NEBL: variants seen among roughly 807,000 people sequenced by gnomAD.
NEBL encodes the protein LIM and SH3 protein 2.
In NEBL, 122 loss-of-function variants were observed where a neutral mutation model predicts 140.2. That is an observed-to-expected ratio of 0.87 (90% confidence interval 0.75 to 1.01). The LOEUF is 1.01. NEBL is among the 50% of genes least tolerant of loss of function. The pLI is 0.00. For missense variants in NEBL, 1,365 were observed against 1,231.3 expected, an observed-to-expected ratio of 1.11 and a Z score of -1.62; for synonymous variants, 436 against 398.9, an observed-to-expected ratio of 1.09 and a Z score of -1.11.
upstream of NEBL, among the ~76,000 whole-genome samples, chr10:21,176,194 G>C (rs1385341621): frequency 6.6e-6 from 1 of 151,980 alleles, no homozygotes; most frequent in African/African-American, 2.4e-5. Context: ...GTAGAGATGG[G>C]ATCTTGCGGT....
At chr10:21,236,793 A>C (rs1015891120) in intron 3 of NEBL, among the ~76,000 whole-genome samples, 16 of 152,158 alleles carry the variant, frequency 1.1e-4, no homozygotes, top group East Asian at 9.7e-4. Context: ...CACCTACTAA[A>C]CTCCACTAAC....
At chr10:21,016,315 A>T (rs753398383) in intron 3 of NEBL, among the ~76,000 whole-genome samples, 3 of 152,194 alleles carry the variant, frequency 2.0e-5, no homozygotes, top group Non-Finnish European at 4.4e-5. Flanking sequence ...TTGTTTGTTT[A>T]TTCACAGTAT....
intron 4 of NEBL, among the ~76,000 whole-genome samples, chr10:20,905,696 A>G (rs1049006806): frequency 1.3e-5 from 2 of 152,194 alleles, no homozygotes; most frequent in Non-Finnish European, 2.9e-5. Flanking sequence ...ATGATAAGGC[A>G]TCCAAAGAGC....
At chr10:20,865,725 A>T (rs912456431) in intron 7 of NEBL, among the ~76,000 whole-genome samples, 1 of 152,008 alleles carries the variant, frequency 6.6e-6, no homozygotes, top group African/African-American at 2.4e-5. Context: ...CATGTCCCCA[A>T]CCTCTTGCAC....
intron 1 of NEBL, among the ~76,000 whole-genome samples, chr10:21,280,901 C>T (rs1047812239): frequency 8.5e-5 from 13 of 152,150 alleles, no homozygotes; most frequent in Non-Finnish European, 4.4e-5. Context: ...AGGCGTGAGC[C>T]ACCTCACCCA....
chr10:21,084,374 G>A (rs1410291443), intron 2 of NEBL, among the ~76,000 whole-genome samples: 3 of 152,042 alleles, frequency 2.0e-5, no homozygotes, highest in Admixed American at 6.6e-5. Flanking sequence ...TTTCTCTCTC[G>A]CTGCAATCAC....
At chr10:20,978,720 A>T (rs1370547848) in intron 3 of NEBL, among the ~76,000 whole-genome samples, 2 of 151,412 alleles carry the variant, frequency 1.3e-5, no homozygotes, top group Non-Finnish European at 2.9e-5. Flanking sequence ...GTGCCACTGC[A>T]CTCCAGCCTG....
intron 4 of NEBL, among the ~76,000 whole-genome samples, chr10:20,939,271 G>T (rs1033763904): frequency 1.2e-4 from 19 of 152,170 alleles, no homozygotes; most frequent in African/African-American, 4.6e-4. Context: ...GAGAGTGGGG[G>T]CCAATATTCA....
chr10:21,097,697 A>G (rs1837256450), intron 2 of NEBL, among the ~76,000 whole-genome samples: 1 of 152,218 alleles, frequency 6.6e-6, no homozygotes, highest in African/African-American at 2.4e-5. Flanking sequence ...TAAACAGAAA[A>G]GATAAGTCTC....
At chr10:21,065,834 G>A (rs967955709) in intron 2 of NEBL, among the ~76,000 whole-genome samples, 1 of 152,168 alleles carries the variant, frequency 6.6e-6, no homozygotes, top group Non-Finnish European at 1.5e-5. Context: ...TCCTGGAACA[G>A]TCCCTGGAAG....
rs752153418 is a variant in NEBL, at chr10:21,017,641, G to A, written c.249+2476C>T. The stretch of plus-strand genomic sequence containing the variant: ...GGCATATAATAGGAAAACAATAAAT[G>A]CTTGCTCCTGGAATGCACTGAAGGC... On this transcript the variant is annotated intron_variant, in intron 3 of 6. Transcript: ENST00000417816. Among the ~76,000 whole-genome samples, 6 of 152,208 alleles carry A rather than the reference G, an allele frequency of 3.9e-5. No homozygotes were observed. In the South Asian group the frequency reaches 8.3e-4, roughly 21 times the overall value.
intron 2 of NEBL, among the ~76,000 whole-genome samples, chr10:21,067,510 G>A (rs970471975): frequency 2.0e-5 from 3 of 152,100 alleles, no homozygotes; most frequent in African/African-American, 4.8e-5. Context: ...GAACAAGTAA[G>A]AGAAACAGTT....
Position 21,161,202 on chromosome 10 carries a change from G to C in NEBL, c.164+11181C>G, listed in dbSNP as rs369556718. Among the ~76,000 whole-genome samples, 10 of 151,866 alleles carry C rather than the reference G, an allele frequency of 6.6e-5. 1 individual carries two copies. Among genetic ancestry groups the C allele is most frequent in the Admixed American group, 6.6e-5 (1 of 15,242 alleles). ...TTTTTTATTTTTATTTTTATTTTTT[G>C]TTATTTTTTATTAGAGACAGGGTCT... On this transcript the variant is annotated intron_variant, in intron 2 of 6. Transcript: ENST00000417816.
rs761905318 is a variant in NEBL at position 20,840,819 on chromosome 10, T to C, written c.1258A>G (p.Ile420Val). 47 of 1,605,614 alleles carry C rather than the reference T, an allele frequency of 2.9e-5. No homozygotes were observed. Among genetic ancestry groups the C allele is most frequent in the Non-Finnish European group, 3.7e-5 (44 of 1,173,462 alleles). ...KEYKKDLENE[I>V]KGKGMELNSE... The stretch of plus-strand genomic sequence containing the variant: ...TTAAGTTCCATTCCTTTCCCTTTTA[T>C]CTCATTTTCCAAATCTTTTTTATAT... The change falls in exon 13 of 28, where the codon ATA becomes GTA. Residue 420 changes from isoleucine (I) to valine (V), a missense_variant. Coordinates refer to ENST00000377122, the MANE Select transcript of NEBL (RefSeq NM_006393.3).
At chr10:20,966,427 C>A (rs1390030468) in intron 3 of NEBL, among the ~76,000 whole-genome samples, 2 of 152,174 alleles carry the variant, frequency 1.3e-5, no homozygotes, top group Non-Finnish European at 2.9e-5. Context: ...TGAATGTTTG[C>A]AAGGTGAAAA....
At chr10:20,964,264 G>A (rs1462944733) in intron 3 of NEBL, among the ~76,000 whole-genome samples, 1 of 152,070 alleles carries the variant, frequency 6.6e-6, no homozygotes, top group African/African-American at 2.4e-5. Context: ...CCTCAGCTCT[G>A]GGACTCTGGC....
Position 21,248,202 on chromosome 10 carries a change from C to G in NEBL, n.280-213G>C, listed in dbSNP as rs187241326. ...CCTCCCACCTCAGCCTCCTAAGTAGCTGGGACTACAGGCATATGCCACCAT... is the reference window on the plus strand; with the variant it reads ...CCTCCCACCTCAGCCTCCTAAGTAGGTGGGACTACAGGCATATGCCACCAT... On this transcript the variant is annotated intron_variant and non_coding_transcript_variant, in intron 2 of 8. Coordinates refer to the NEBL transcript ENST00000675702. The G allele has an allele frequency of 4.2e-3, 670 of 160,662 alleles. 8 individuals carry two copies. The highest frequency in any genetic ancestry group is 0.015 in the African/African-American group (637 of 41,522). The allele number at this position is 160,662 out of a possible 1,614,324, so 10.0% of individuals were successfully genotyped here.
rs186717780 is a variant in NEBL at position 21,046,762 on chromosome 10, G to A, written c.165-26561C>T. On this transcript the variant is annotated intron_variant, in intron 2 of 6. Coordinates refer to the NEBL transcript ENST00000417816. Reference sequence around the variant, plus strand: ...ACTACAGGGGCCTGCCACCACGCCCGACTAATTTTTTTTATATTGTTAGTA... The same window carrying A: ...ACTACAGGGGCCTGCCACCACGCCCAACTAATTTTTTTTATATTGTTAGTA... Among the ~76,000 whole-genome samples, 382 of 152,112 alleles carry A rather than the reference G, an allele frequency of 2.5e-3. 1 individual carries two copies. Among genetic ancestry groups the A allele is most frequent in the Non-Finnish European group, 4.2e-3 (286 of 67,994 alleles).
At chr10:20,934,206 G>A (rs752313854) in intron 4 of NEBL, among the ~76,000 whole-genome samples, 17 of 152,176 alleles carry the variant, frequency 1.1e-4, no homozygotes, top group Non-Finnish European at 2.4e-4. Context: ...GATGGGTTCT[G>A]AGCCCCAAGT....
Sources: allele counts gnomAD v4.1 joint callset (sites outside exome capture counted in the v4.1 genomes callset), GRCh38; gene constraint gnomAD v4.1.1; transcripts MANE v1.5; gene names NCBI Gene and HGNC (gene_info 2026-07-23, HGNC 2026-07-21).